STARD3: variants seen among roughly 807,000 people sequenced by gnomAD.
STARD3 encodes stAR-related lipid transfer protein 3.
Under a neutral mutation model 62.0 loss-of-function variants are expected in STARD3, and 39 were observed. The observed-to-expected ratio is 0.63, with a 90% CI of 0.49 to 0.82. STARD3 has a LOEUF of 0.82. Among genes scored for constraint, STARD3 ranks in the 40% least tolerant of loss-of-function variants. The probability of loss-of-function intolerance (pLI) is 0.00; values close to 1 mark genes in which losing one functional copy is unlikely to be tolerated. For synonymous variants in STARD3, 229 were observed against 242.4 expected, an observed-to-expected ratio of 0.94 and a Z score of 0.51; for missense variants, 543 against 584.5, an observed-to-expected ratio of 0.93 and a Z score of 0.73.
chr17:39,637,368 C>G (rs1480657828), intron 1 of STARD3, 137 bp downstream of exon 1: 1 of 152,328 alleles, frequency 6.6e-6, no homozygotes, highest in Non-Finnish European at 1.5e-5. Flanking sequence ...AGGTTCCGCC[C>G]CCTTCCTCTG....
chr17:39,655,346 G>A (rs2057116930), intron 2 of STARD3, among the ~76,000 whole-genome samples: 1 of 149,264 alleles, frequency 6.7e-6, no homozygotes, highest in Non-Finnish European at 1.5e-5. Flanking sequence ...ACCACATTTG[G>A]CTATTTTTTT....
intron 2 of STARD3, 101 bp downstream of exon 2, chr17:39,653,851 GT>G: frequency 1.5e-6 from 2 of 1,345,986 alleles, no homozygotes; most frequent in Non-Finnish European, 2.1e-6. Flanking sequence ...CCTGGGGTTG[GT>G]TAGCTGGGTA....
chr17:39,654,695 G>A (rs2057110795), intron 2 of STARD3, among the ~76,000 whole-genome samples: 1 of 152,246 alleles, frequency 6.6e-6, no homozygotes, highest in Non-Finnish European at 1.5e-5. Flanking sequence ...CTCAGCAAGG[G>A]ACTCAGCCCC....
intron 5 of STARD3, 95 bp downstream of exon 5, chr17:39,658,121 C>G: frequency 7.3e-7 from 1 of 1,379,050 alleles, no homozygotes. Flanking sequence ...GTGTCTGTCC[C>G]TGTTGTCCGG....
rs764017032 is a variant in STARD3 at position 39,662,808 on chromosome 17, G to T, written c.1238G>T (p.Arg413Leu). 3 of 1,607,144 alleles carry T rather than the reference G, an allele frequency of 1.9e-6. No homozygotes were observed. The highest frequency in any genetic ancestry group is 2.2e-5 in the South Asian group (2 of 90,338). The change falls in exon 15 of 15, where the codon CGC (arginine) becomes CTC (leucine). Residue 413 changes from arginine (R) to leucine (L), a missense_variant. By Grantham distance (102) the Arg-to-Leu change is moderately radical. Coordinates refer to ENST00000336308, the MANE Select transcript of STARD3 (RefSeq NM_006804.4). ...VWILNTDLKG[R>L]LPRYLIHQSL... ...CTTCTGCCTGCCTTCCCCCAGGGCC[G>T]CCTGCCCCGGTACCTCATCCACCAG...
At chr17:39,662,563 GC>G (rs1310926576) in intron 14 of STARD3, 23 of 630,416 alleles carry the variant, frequency 3.6e-5, no homozygotes, top group Non-Finnish European at 5.7e-5. Context: ...GAGTCCTGAG[GC>G]CCTGAGGAAG....
At chr17:39,650,782 C>T (rs1294035054) in intron 1 of STARD3, among the ~76,000 whole-genome samples, 2 of 152,178 alleles carry the variant, frequency 1.3e-5, no homozygotes, top group Non-Finnish European at 2.9e-5. Flanking sequence ...CCACTGCACT[C>T]CAGCCTGGTT....
chr17:39,661,741 G>A (rs532211434), intron 13 of STARD3, among the ~76,000 whole-genome samples: 122 of 152,322 alleles, frequency 8.0e-4, no homozygotes, highest in Non-Finnish European at 1.5e-3. Flanking sequence ...TGGGTGCAGG[G>A]AAGCTCACTT....
rs1391239084 is a variant in STARD3, at chr17:39,663,262, C to T, written c.*354C>T. Reference sequence around the variant, plus strand: ...CTGGGCAGGGCAGGGCAGCCTGTCACCCGTGTGAAGATGAAGGGGCTCTTC... The same window carrying T: ...CTGGGCAGGGCAGGGCAGCCTGTCATCCGTGTGAAGATGAAGGGGCTCTTC... On this transcript the variant is annotated 3_prime_UTR_variant, in exon 15 of 15. Coordinates refer to ENST00000336308, the MANE Select transcript of STARD3 (RefSeq NM_006804.4). 2 of 398,750 alleles carry T rather than the reference C, an allele frequency of 5.0e-6. No homozygotes were observed. Among genetic ancestry groups the T allele is most frequent in the Admixed American group, 8.8e-5 (2 of 22,696 alleles). 24.7% of individuals were successfully genotyped at this position (398,750 alleles called of 1,614,324 possible).
intron 2 of STARD3, 59 bp from the exon 3 acceptor site, chr17:39,656,949 A>C: frequency 6.4e-7 from 1 of 1,569,010 alleles, no homozygotes; most frequent in African/African-American, 1.4e-5. Flanking sequence ...CCGGGAGGTG[A>C]GGGGCAGCCC....
intron 1 of STARD3, among the ~76,000 whole-genome samples, chr17:39,644,935 C>T (rs1485243607): frequency 2.6e-5 from 4 of 152,042 alleles, no homozygotes; most frequent in Non-Finnish European, 1.5e-5. Context: ...GCTTTGGAGC[C>T]GCCTCCCTGA....
chr17:39,658,373 C>T, intron 5 of STARD3, 32 bp from the exon 6 acceptor site: 1 of 1,600,594 alleles, frequency 6.2e-7, no homozygotes, highest in Non-Finnish European at 8.5e-7. Context: ...GGGGTGACCC[C>T]TGCCATGGAG....
In STARD3 at chr17:39,664,068, T is replaced by A. The variant is rs1597804111; in HGVS notation, c.*1160T>A. On this transcript the variant is annotated 3_prime_UTR_variant, in exon 15 of 15. Coordinates refer to ENST00000336308, the MANE Select transcript of STARD3 (RefSeq NM_006804.4). ...CAGAGCCAGCTTCTTCAGAGCCAGG[T>A]GGATCCTGTTTCGGTCCTGCCTAGG... is the stretch of plus-strand genomic sequence containing the variant. 2 of 152,264 alleles carry A rather than the reference T, an allele frequency of 1.3e-5. No homozygotes were observed. Among genetic ancestry groups the A allele is most frequent in the Admixed American group, 1.3e-4 (2 of 15,288 alleles). The allele number at this position is 152,264 out of a possible 1,614,324, so 9.4% of individuals were successfully genotyped here.
In STARD3 at chr17:39,660,630, G is replaced by A. The variant is rs2057186096; in HGVS notation, c.954+104G>A. On this transcript the variant is annotated intron_variant, in intron 11 of 14. Transcript: ENST00000336308. The surrounding 1 kb of genome is among the most constrained non-coding windows in gnomAD (Gnocchi z 4.8). ...GCCTCAGCTGCCCCATCTGTACAGT[G>A]GGTGTGATGGTAACAGTGCCTGCTC... The A allele has an allele frequency of 2.9e-6, 4 of 1,399,300 alleles. No homozygotes were observed. Among genetic ancestry groups the A allele is most frequent in the Non-Finnish European group, 4.0e-6 (4 of 994,216 alleles). The allele number at this position is 1,399,300 out of a possible 1,614,324, so 86.7% of individuals were successfully genotyped here. A position where few individuals can be genotyped will look rare whatever the true frequency, so the allele number is the denominator to read the frequency against.
chr17:39,659,085 G>A lies in STARD3; in HGVS notation c.681G>A (p.Gly227=), dbSNP rs1429629369. The A allele has an allele frequency of 6.2e-7, 1 of 1,614,218 alleles. No homozygotes were observed. Residue 227 remains glycine, a synonymous_variant, in exon 8 of 15, where the codon GGG becomes GGA. Coordinates refer to ENST00000336308, the MANE Select transcript of STARD3 (RefSeq NM_006804.4). ...SDNESDEEVA[G]KKSFSAQERE... The stretch of plus-strand genomic sequence containing the variant: ...ATGAATCAGATGAAGAAGTTGCTGG[G>A]AAGAAAAGTTTCTCTGCTCAGGTAT...
chr17:39,651,429 G>A (rs1412048247), intron 1 of STARD3, among the ~76,000 whole-genome samples: 2 of 152,190 alleles, frequency 1.3e-5, no homozygotes, highest in African/African-American at 2.4e-5. Context: ...AACATCTAGA[G>A]CTTCCCTTCC....
In STARD3 at chr17:39,653,665, C is replaced by T; in HGVS notation, c.134C>T (p.Ala45Val). 1 of 1,614,196 alleles carries T rather than the reference C, an allele frequency of 6.2e-7. No individual in the cohort carries two copies. The highest frequency in any genetic ancestry group is 8.5e-7 in the Non-Finnish European group (1 of 1,180,054). The change falls in exon 2 of 15, where the codon GCC becomes GTC. Residue 45 changes from alanine (A) to valine (V), a missense_variant. Coordinates refer to ENST00000336308, the MANE Select transcript of STARD3 (RefSeq NM_006804.4). ...CTTCCGCCGCCTGAGAAGCGAAGGG[C>T]CATCTCTGATGTCCGCCGCACCTTC... is the stretch of plus-strand genomic sequence containing the variant. ...HLLPPPEKRR[A>V]ISDVRRTFCL...
chr17:39,657,742 T>G (rs1567859611), intron 3 of STARD3, 33 bp from the exon 4 acceptor site: 1 of 1,612,730 alleles, frequency 6.2e-7, no homozygotes, highest in East Asian at 2.2e-5. Context: ...GGCAGTAGCT[T>G]CCTGTGACTG....
intron 1 of STARD3, among the ~76,000 whole-genome samples, chr17:39,650,712 G>A (rs751136961): frequency 2.0e-5 from 3 of 152,170 alleles, no homozygotes; most frequent in Non-Finnish European, 4.4e-5. Flanking sequence ...TACTTGGGAG[G>A]CTGAGGCAGG....
Sources: allele counts gnomAD v4.1 joint callset (sites outside exome capture counted in the v4.1 genomes callset), GRCh38; gene constraint gnomAD v4.1.1; non-coding constraint Gnocchi (gnomAD v3.1); transcripts MANE v1.5; gene names NCBI Gene and HGNC (gene_info 2026-07-23, HGNC 2026-07-21).